The following LRMDA variants were observed in gnomAD, a reference collection of about 807,000 sequenced individuals.
The protein encoded by LRMDA is leucine-rich melanocyte differentiation-associated protein.
A neutral mutation model predicts 29.8 loss-of-function variants in LRMDA; 18 were observed. The observed-to-expected ratio is 0.60, with a 90% confidence interval of 0.42 to 0.90. The LOEUF (loss-of-function observed/expected upper bound fraction) is 0.90, where lower values mean the gene tolerates loss of function less well. Among genes scored for constraint, LRMDA ranks in the 40% least tolerant of loss-of-function variants. LRMDA has a pLI of 0.00. For synonymous variants in LRMDA, 125 were observed against 109.4 expected (o/e 1.14, Z -0.89); for missense variants, 273 against 273.9 (o/e 1.00, Z 0.02).
chr10:75,700,285 C>A (rs1454400974), intron 2 of LRMDA, among the ~76,000 whole-genome samples: 5 of 146,116 alleles, frequency 3.4e-5, no homozygotes, highest in Non-Finnish European at 3.0e-5. Flanking sequence ...AAATATTAAA[C>A]CAATATTTTA....
chr10:75,650,353 C>G (rs1841582092), intron 2 of LRMDA, among the ~76,000 whole-genome samples: 1 of 152,134 alleles, frequency 6.6e-6, no homozygotes, highest in African/African-American at 2.4e-5. Context: ...TCCAGTTTTC[C>G]AGCACAATTT....
At chr10:75,510,206 G>A (rs1299332423) in intron 2 of LRMDA, among the ~76,000 whole-genome samples, 12 of 152,156 alleles carry the variant, frequency 7.9e-5, no homozygotes, top group Admixed American at 7.9e-4. Flanking sequence ...CACAAGTGAT[G>A]GCATGACAGA....
chr10:76,219,588 T>C lies in LRMDA; in HGVS notation c.517-104813T>C, dbSNP rs941238516. ...TAACTATCCTAAATATATATGCACC[T>C]AATACAGGAGCACCCAGATTCATAT... On this transcript the variant is annotated intron_variant, in intron 5 of 6. Coordinates refer to ENST00000611255, the MANE Select transcript of LRMDA (RefSeq NM_001305581.2). 1.3e-4 allele frequency among the ~76,000 whole-genome samples: 20 copies of C among 152,248 alleles called. No homozygotes were observed. In the South Asian group the frequency reaches 1.9e-3, roughly 14 times the overall value.
intron 2 of LRMDA, among the ~76,000 whole-genome samples, chr10:75,764,928 C>CGT (rs57422251): frequency 0.21 from 29,996 of 142,708 alleles, 3,288 homozygotes; most frequent in African/African-American, 0.31. Context: ...GCAAGAGACA[C>CGT]GTGTGTGTGT....
intron 2 of LRMDA, among the ~76,000 whole-genome samples, chr10:75,772,429 C>T (rs1195400955): frequency 6.6e-6 from 1 of 152,146 alleles, no homozygotes; most frequent in Non-Finnish European, 1.5e-5. Context: ...TGAAACGCCA[C>T]ATCTTTTGCA....
chr10:76,543,835 A>G (rs1178907036), intron 6 of LRMDA, among the ~76,000 whole-genome samples: 1 of 152,100 alleles, frequency 6.6e-6, no homozygotes, highest in Non-Finnish European at 1.5e-5. Context: ...ATGTTCATTC[A>G]AATAAAATTT....
intron 6 of LRMDA, among the ~76,000 whole-genome samples, chr10:76,523,336 T>C (rs2132364292): frequency 6.6e-6 from 1 of 152,262 alleles, no homozygotes; most frequent in East Asian, 1.9e-4. Context: ...ATGCCTTTAG[T>C]ATGCATTTTG....
chr10:75,788,811 AAC>A (rs905108070), intron 2 of LRMDA, among the ~76,000 whole-genome samples: 31 of 152,288 alleles, frequency 2.0e-4, no homozygotes, highest in African/African-American at 6.7e-4. Context: ...TGAATAAGAA[AAC>A]ACTCTTTGCT....
chr10:75,916,027 G>A (rs1047166302), intron 2 of LRMDA, among the ~76,000 whole-genome samples: 1 of 152,070 alleles, frequency 6.6e-6, no homozygotes, highest in Non-Finnish European at 1.5e-5. Flanking sequence ...TGGGCCCATT[G>A]GTATTAATTG....
At chr10:75,821,063 A>G (rs1401538279) in intron 2 of LRMDA, among the ~76,000 whole-genome samples, 1 of 152,250 alleles carries the variant, frequency 6.6e-6, no homozygotes, top group Admixed American at 6.5e-5. Flanking sequence ...AGATGGGTTC[A>G]TAGCCGAATT....
intron 5 of LRMDA, among the ~76,000 whole-genome samples, chr10:76,064,035 T>C (rs1465657927): frequency 3.9e-5 from 6 of 152,196 alleles, no homozygotes; most frequent in Admixed American, 2.0e-4. Flanking sequence ...GAATGAACCA[T>C]GAACAGCAGA....
intron 2 of LRMDA, among the ~76,000 whole-genome samples, chr10:75,514,941 C>G (rs1003666462): frequency 1.3e-5 from 2 of 151,904 alleles, no homozygotes; most frequent in Non-Finnish European, 2.9e-5. Context: ...TTTCCGATGA[C>G]TCTTTAGAAT....
At chr10:75,949,313 T>A (rs1484949126) in intron 2 of LRMDA, among the ~76,000 whole-genome samples, 1 of 152,240 alleles carries the variant, frequency 6.6e-6, no homozygotes, top group Admixed American at 6.5e-5. Context: ...TCATGTAGCT[T>A]GTCAATTTGT....
intron 6 of LRMDA, among the ~76,000 whole-genome samples, chr10:76,484,877 C>CTT (rs990197103): frequency 6.6e-6 from 1 of 151,952 alleles, no homozygotes; most frequent in South Asian, 2.1e-4. Flanking sequence ...AGAATTCACT[C>CTT]TTTTACCATT....
At chr10:76,023,527 T>C (rs1008887323) in intron 2 of LRMDA, among the ~76,000 whole-genome samples, 8 of 152,248 alleles carry the variant, frequency 5.3e-5, no homozygotes, top group African/African-American at 1.9e-4. Context: ...GATAAAACTT[T>C]GCGAGTTTTC....
At chr10:75,615,323 A>G (rs768176613) in intron 2 of LRMDA, among the ~76,000 whole-genome samples, 1 of 152,166 alleles carries the variant, frequency 6.6e-6, no homozygotes, top group African/African-American at 2.4e-5. Context: ...TGGGACCAGA[A>G]GTGTTTTTGA....
At chr10:76,301,637 C>CA (rs961304680) in intron 5 of LRMDA, among the ~76,000 whole-genome samples, 3 of 151,996 alleles carry the variant, frequency 2.0e-5, no homozygotes, top group African/African-American at 7.2e-5. Flanking sequence ...AAATTTAAAA[C>CA]AAAAAAACCC....
intron 5 of LRMDA, among the ~76,000 whole-genome samples, chr10:76,143,496 A>G (rs1471100367): frequency 2.0e-5 from 3 of 152,018 alleles, no homozygotes; most frequent in Non-Finnish European, 4.4e-5. Flanking sequence ...TCTTCTTTTG[A>G]GAAGTGTCTG....
At chr10:75,545,040 G>A (rs771277709) in intron 2 of LRMDA, among the ~76,000 whole-genome samples, 12 of 151,850 alleles carry the variant, frequency 7.9e-5, no homozygotes, top group Non-Finnish European at 1.5e-4. Flanking sequence ...TCAGAGAAGC[G>A]GTTCTCAGTG....
Sources: gnomAD v4.1 joint callset for allele counts (sites outside exome capture counted in the v4.1 genomes callset) on GRCh38, gnomAD v4.1.1 for gene constraint, MANE v1.5 for transcripts, NCBI Gene and HGNC (gene_info 2026-07-23, HGNC 2026-07-21) for gene names.